Variants in CRLF2 observed in about 807,000 individuals in gnomAD.
CRLF2 encodes cytokine receptor like factor 2.
A neutral mutation model predicts 38.7 loss-of-function variants in CRLF2; 41 were observed. The ratio of observed to expected loss-of-function variants is 1.06; its 90% CI spans 0.83 to 1.37. The LOEUF (loss-of-function observed/expected upper bound fraction) is 1.37, where lower values mean the gene tolerates loss of function less well. Among genes scored for constraint, CRLF2 ranks in the 40% most tolerant of loss-of-function variants. CRLF2 has a pLI of 0.00. For missense variants in CRLF2, 377 were observed against 322.2 expected, an observed-to-expected ratio of 1.17 and a Z score of -1.30; for synonymous variants, 140 against 128.8, an observed-to-expected ratio of 1.09 and a Z score of -0.59.
chrX:1,202,407 A>G lies in CRLF2; in HGVS notation c.478T>C (p.Trp160Arg). 1.2e-6 allele frequency: 2 copies of G among 1,613,436 alleles called. No homozygotes were observed. Among genetic ancestry groups the G allele is most frequent in the Non-Finnish European group, 1.7e-6 (2 of 1,179,570 alleles). ...VQYRSPFDTE[W>R]QSKQENTCNV... The stretch of plus-strand genomic sequence containing the variant: ...GTCGCGGCCGCCCGGCTCACCTGCC[A>G]CTCGGTGTCGAAGGGGCTCCGGTAC... The change falls in exon 4 of 8, where the codon TGG becomes CGG. Residue 160 changes from tryptophan to arginine, a missense_variant. Transcript: ENST00000400841.
intron 5 of CRLF2, among the ~76,000 whole-genome samples, 193 bp downstream of exon 5, chrX:1,198,369 C>T (rs1278663361): frequency 1.5e-5 from 2 of 136,382 alleles, no homozygotes; most frequent in Admixed American, 7.5e-5. Context: ...TCCCACCTCC[C>T]GGGAAGATAG....
intron 3 of CRLF2, among the ~76,000 whole-genome samples, chrX:1,203,444 C>T (rs1466509377): frequency 6.6e-6 from 1 of 152,010 alleles, no homozygotes; most frequent in African/African-American, 2.4e-5. Flanking sequence ...TCCTAAAGCC[C>T]AGGACCTGGA....
At chrX:1,193,781 C>CAAAAAA (rs1176813644) in intron 6 of CRLF2, among the ~76,000 whole-genome samples, 18 of 58,970 alleles carry the variant, frequency 3.1e-4, no homozygotes, top group African/African-American at 1.5e-3. Flanking sequence ...GACTCCATCT[C>CAAAAAA]AAAAAAAAAA....
At chrX:1,199,974 TGTGTATATAC>T (rs1214477494) in intron 4 of CRLF2, among the ~76,000 whole-genome samples, 1 of 151,302 alleles carries the variant, frequency 6.6e-6, no homozygotes, top group African/African-American at 2.4e-5. Context: ...GTATATTAGG[TGTGTATATAC>T]GTGTGTATAT....
At chrX:1,191,327 T>TTCTTTCTA in intron 7 of CRLF2, among the ~76,000 whole-genome samples, 167 bp from the exon 8 acceptor site, 1 of 120,212 alleles carries the variant, frequency 8.3e-6, no homozygotes, top group Non-Finnish European at 1.7e-5. Flanking sequence ...CTTTCTTTCT[T>TTCTTTCTA]TCTTTCTTTC....
intron 3 of CRLF2, among the ~76,000 whole-genome samples, chrX:1,204,721 T>G (rs2086663333): frequency 6.6e-6 from 1 of 150,566 alleles, no homozygotes; most frequent in African/African-American, 2.4e-5. Flanking sequence ...GAGACGGGGT[T>G]TCACCACGTT....
chrX:1,194,993 C>T (rs1411464597), intron 6 of CRLF2, among the ~76,000 whole-genome samples: 1 of 151,902 alleles, frequency 6.6e-6, no homozygotes, highest in African/African-American at 2.4e-5. Context: ...GATCATGCCA[C>T]TGTACTCCAG....
At chrX:1,201,549 AGAGTGAT>A (rs1331979006) in intron 4 of CRLF2, among the ~76,000 whole-genome samples, 1 of 38,370 alleles carries the variant, frequency 2.6e-5, no homozygotes, top group African/African-American at 8.8e-5. Flanking sequence ...CATAGATGAT[AGAGTGAT>A]GAGAGAGAGA....
intron 7 of CRLF2, among the ~76,000 whole-genome samples, chrX:1,192,774 TTC>T (rs2086416039): frequency 6.9e-6 from 1 of 144,596 alleles, no homozygotes; most frequent in African/African-American, 2.6e-5. Flanking sequence ...CTTTCCTTCC[TTC>T]CTCTCTCCCC....
intron 3 of CRLF2, among the ~76,000 whole-genome samples, chrX:1,206,152 C>A (rs2086687861): frequency 6.6e-6 from 1 of 151,982 alleles, no homozygotes; most frequent in Non-Finnish European, 1.5e-5. Context: ...GTGAGCTTTT[C>A]AGTACTTACG....
At chrX:1,192,548 G>A (rs1306744907) in intron 7 of CRLF2, among the ~76,000 whole-genome samples, 2 of 151,950 alleles carry the variant, frequency 1.3e-5, no homozygotes, top group South Asian at 2.1e-4. Flanking sequence ...CCTGGGAGGT[G>A]GAGGTTGCAG....
intron 3 of CRLF2, among the ~76,000 whole-genome samples, chrX:1,204,315 G>T (rs1463574362): frequency 2.6e-5 from 4 of 151,916 alleles, no homozygotes; most frequent in Non-Finnish European, 5.9e-5. Flanking sequence ...CACAAACTCC[G>T]CCTCCCAGAT....
At chrX:1,198,278 A>G (rs868291448) in intron 5 of CRLF2, among the ~76,000 whole-genome samples, 10 of 72,860 alleles carry the variant, frequency 1.4e-4, no homozygotes, top group Non-Finnish European at 2.5e-4. Context: ...CCCACCTCCC[A>G]GGAAGGCAGG....
chrX:1,195,165 C>T (rs1343206084), intron 6 of CRLF2, among the ~76,000 whole-genome samples: 1 of 151,980 alleles, frequency 6.6e-6, no homozygotes, highest in Admixed American at 6.6e-5. Flanking sequence ...TGCACTCCAG[C>T]CTGGGTGACA....
chrX:1,207,351 A>C (rs1159375900), intron 2 of CRLF2, among the ~76,000 whole-genome samples: 1 of 145,332 alleles, frequency 6.9e-6, no homozygotes, highest in Non-Finnish European at 1.5e-5. Flanking sequence ...TGCCTCCCGG[A>C]TTCAAGCGAT....
chrX:1,199,932 A>ATTGTGTATAT (rs1419868482), intron 4 of CRLF2, among the ~76,000 whole-genome samples: 1 of 150,602 alleles, frequency 6.6e-6, no homozygotes, highest in Non-Finnish European at 1.5e-5. Context: ...CTGTGTATGT[A>ATTGTGTATAT]AGGTGTGTAT....
intron 6 of CRLF2, among the ~76,000 whole-genome samples, chrX:1,193,765 G>C (rs2086433820): frequency 7.7e-6 from 1 of 130,350 alleles, no homozygotes; most frequent in Non-Finnish European, 1.6e-5. Context: ...CTGGGCGACA[G>C]AGCGAGACTC....
intron 3 of CRLF2, among the ~76,000 whole-genome samples, chrX:1,203,138 A>C (rs1368318655): frequency 6.8e-6 from 1 of 146,484 alleles, no homozygotes; most frequent in Non-Finnish European, 1.5e-5. Flanking sequence ...TTATAGATTC[A>C]GTTAGTTAGG....
chrX:1,201,460 A>G (rs1360340854), intron 4 of CRLF2, among the ~76,000 whole-genome samples: 1 of 151,754 alleles, frequency 6.6e-6, no homozygotes, highest in Non-Finnish European at 1.5e-5. Context: ...CAGAGTTGAT[A>G]GATGATACAT....
Sources: allele counts gnomAD v4.1 joint callset (sites outside exome capture counted in the v4.1 genomes callset), GRCh38; gene constraint gnomAD v4.1.1; transcripts MANE v1.5; gene names NCBI Gene and HGNC (gene_info 2026-07-23, HGNC 2026-07-21).